Variants in CSNK1G1 observed in about 807,000 individuals in gnomAD.
CSNK1G1 encodes the protein casein kinase 1 gamma 1.
CSNK1G1 carries 22 observed loss-of-function variants against 59.6 expected under a neutral mutation model. That is an observed-to-expected ratio of 0.37 (90% CI 0.26 to 0.53). The LOEUF is 0.53. Ranked by LOEUF, CSNK1G1 falls within the 20% of genes least tolerant of loss-of-function variation. CSNK1G1 has a pLI of 0.89. For synonymous variants in CSNK1G1, 179 were observed against 177.1 expected, an observed-to-expected ratio of 1.01 and a Z score of -0.08; for missense variants, 384 against 519.5, an observed-to-expected ratio of 0.74 and a Z score of 2.54.
intron 1 of CSNK1G1, among the ~76,000 whole-genome samples, chr15:64,345,813 G>A (rs1021638259): frequency 2.0e-5 from 3 of 151,466 alleles, no homozygotes; most frequent in Non-Finnish European, 2.9e-5. Flanking sequence ...TTTTTTTTGA[G>A]ATGGAGTCTC....
intron 10 of CSNK1G1, chr15:64,181,590 A>C (rs1174563432): frequency 1.5e-6 from 1 of 650,846 alleles, no homozygotes; most frequent in Admixed American, 3.6e-5. Context: ...AGCATAAATA[A>C]GGGAAGCAGC....
intron 1 of CSNK1G1, among the ~76,000 whole-genome samples, chr15:64,336,609 T>C (rs1897400911): frequency 6.6e-6 from 1 of 151,972 alleles, no homozygotes; most frequent in South Asian, 2.1e-4. Context: ...AAAATAACAA[T>C]AATAATTAAT....
At chr15:64,205,953 C>T (rs765099120) in intron 7 of CSNK1G1, among the ~76,000 whole-genome samples, 40 of 152,122 alleles carry the variant, frequency 2.6e-4, no homozygotes, top group Non-Finnish European at 5.1e-4. Context: ...TGTAGGAGTA[C>T]CCCAAACTAC....
At position 64,179,315 on chromosome 15, in the gene CSNK1G1, T is replaced by C. The variant is rs547345259; in HGVS notation, c.1214+1033A>G. On this transcript the variant is annotated intron_variant, in intron 11 of 11. Coordinates refer to ENST00000303052, the MANE Select transcript of CSNK1G1 (RefSeq NM_022048.5). ...AGGCAGGAAAGACAACAATACAAAG[T>C]ACATCTGGAAGGTGGAAGAATGCAG... 3.9e-5 allele frequency among the ~76,000 whole-genome samples: 6 copies of C among 152,182 alleles called. No homozygotes were observed. The East Asian group carries it at 9.7e-4, about 25-fold the overall frequency.
rs200598532 is a variant in CSNK1G1, at chr15:64,207,513, A to G, written c.761T>C (p.Leu254Pro). The G allele has an allele frequency of 1.2e-6, 2 of 1,609,572 alleles. No individual in the cohort carries two copies. Among genetic ancestry groups the G allele is most frequent in the East Asian group, 2.2e-5 (1 of 44,846 alleles). ...ACTGAACACTTTCAAGGATACCTTGAGTCCTTGCCAGGGGAGGCTGCCTCG... is the reference window on the plus strand; with the variant it reads ...ACTGAACACTTTCAAGGATACCTTGGGTCCTTGCCAGGGGAGGCTGCCTCG... ...FLRGSLPWQG[L>P]KADTLKERYQ... Residue 254 changes from leucine to proline, a missense_variant, in exon 7 of 12, where the codon CTC becomes CCC. Leu to Pro is a moderately conservative substitution (Grantham distance 98, BLOSUM62 -3). Coordinates refer to ENST00000303052, the MANE Select transcript of CSNK1G1 (RefSeq NM_022048.5).
chr15:64,195,392 G>C (rs2082025917), intron 10 of CSNK1G1, among the ~76,000 whole-genome samples: 1 of 152,158 alleles, frequency 6.6e-6, no homozygotes, highest in Non-Finnish European at 1.5e-5. Context: ...AGAGAAAAAG[G>C]AGACGCTATC....
At chr15:64,233,224 T>C (rs1232579152) in intron 4 of CSNK1G1, among the ~76,000 whole-genome samples, 1 of 152,212 alleles carries the variant, frequency 6.6e-6, no homozygotes, top group Non-Finnish European at 1.5e-5. Context: ...CTGTGGGATG[T>C]ATGAAGGCCA....
intron 10 of CSNK1G1, among the ~76,000 whole-genome samples, chr15:64,199,487 T>G (rs748179790): frequency 2.6e-5 from 4 of 152,176 alleles, no homozygotes; most frequent in Non-Finnish European, 5.9e-5. Context: ...TTCCTCATAC[T>G]TTAAAAATCC....
Position 64,214,336 on chromosome 15 carries a change from G to A in CSNK1G1, c.445-212C>T, listed in dbSNP as rs2140264937. Reference sequence around the variant, plus strand: ...ACAAATATCAAGACTAGGAAAAAAAGTGGGATAGTACAGGTCTGCTAAAAT... The same window carrying A: ...ACAAATATCAAGACTAGGAAAAAAAATGGGATAGTACAGGTCTGCTAAAAT... On this transcript the variant is annotated intron_variant, in intron 5 of 11. Coordinates refer to ENST00000303052, the MANE Select transcript of CSNK1G1 (RefSeq NM_022048.5). This position sits in a 1 kb window ranked among gnomAD's most constrained non-coding sequence, Gnocchi z 4.3. Among the ~76,000 whole-genome samples, 1 of 152,346 alleles carries A rather than the reference G, an allele frequency of 6.6e-6. No individual in the cohort carries two copies. Among genetic ancestry groups the A allele is most frequent in the Non-Finnish European group, 1.5e-5 (1 of 68,042 alleles).
chr15:64,221,884 T>C lies in CSNK1G1; in HGVS notation c.293-5171A>G, dbSNP rs144740044. Among the ~76,000 whole-genome samples, 536 of 152,140 alleles carry C rather than the reference T, an allele frequency of 3.5e-3. 3 individuals carry two copies. The highest frequency in any genetic ancestry group is 0.012 in the African/African-American group (502 of 41,482). The stretch of plus-strand genomic sequence containing the variant: ...ACAGTATGGTGATTCCTTAAGGATA[T>C]AGAACCAGAAATACCACTTGACCCA... On this transcript the variant is annotated intron_variant, in intron 4 of 11. Transcript: ENST00000303052.
intron 9 of CSNK1G1, among the ~76,000 whole-genome samples, chr15:64,203,419 C>T (rs752370992): frequency 3.9e-5 from 6 of 152,028 alleles, no homozygotes; most frequent in Non-Finnish European, 5.9e-5. Context: ...AAACCAGGGC[C>T]GGGCGCGGTG....
At chr15:64,270,695 G>A (rs192128969) in intron 2 of CSNK1G1, among the ~76,000 whole-genome samples, 102 of 151,326 alleles carry the variant, frequency 6.7e-4, no homozygotes, top group Non-Finnish European at 9.6e-4. Context: ...AGGAGGCGGA[G>A]CTTGCAGTGA....
chr15:64,302,229 A>G (rs1170190207), intron 1 of CSNK1G1, among the ~76,000 whole-genome samples: 1 of 152,010 alleles, frequency 6.6e-6, no homozygotes, highest in Non-Finnish European at 1.5e-5. Flanking sequence ...CCTCCCAAGT[A>G]GCTGGAATTA....
chr15:64,314,395 C>A (rs140863096), intron 1 of CSNK1G1, among the ~76,000 whole-genome samples: 1 of 151,696 alleles, frequency 6.6e-6, no homozygotes, highest in African/African-American at 2.4e-5. Flanking sequence ...GTAAGGGGTA[C>A]AAAGTAATGT....
chr15:64,278,870 TA>T (rs1893960040), intron 2 of CSNK1G1, among the ~76,000 whole-genome samples: 1 of 152,232 alleles, frequency 6.6e-6, no homozygotes, highest in South Asian at 2.1e-4. Flanking sequence ...AGCATTTATG[TA>T]AAAAGGAGCA....
At position 64,319,917 on chromosome 15, in the gene CSNK1G1, C is replaced by CTTTT. The variant is rs148166902; in HGVS notation, c.-224-19198_-224-19195dup. ...AAATGACTGCCTAAGTAGATCAGGG[C>CTTTT]TTTTTTTTTTTTTTTTTTTTTTTTG... On this transcript the variant is annotated intron_variant, in intron 1 of 11. Coordinates refer to ENST00000303052, the MANE Select transcript of CSNK1G1 (RefSeq NM_022048.5). Among the ~76,000 whole-genome samples, 51 of 65,934 alleles carry CTTTT rather than the reference C, an allele frequency of 7.7e-4. 1 individual carries two copies. Among genetic ancestry groups the CTTTT allele is most frequent in the African/African-American group, 1.9e-3 (34 of 17,582 alleles). 43.3% of individuals were successfully genotyped at this position (65,934 alleles called of 152,430 possible).
chr15:64,315,543 T>G (rs1241970686), intron 1 of CSNK1G1, among the ~76,000 whole-genome samples: 1 of 152,208 alleles, frequency 6.6e-6, no homozygotes, highest in Non-Finnish European at 1.5e-5. Flanking sequence ...CTTGCCTTAG[T>G]AAAGGCAATT....
chr15:64,211,883 T>C (rs2082254084), intron 6 of CSNK1G1, among the ~76,000 whole-genome samples: 1 of 152,224 alleles, frequency 6.6e-6, no homozygotes, highest in African/African-American at 2.4e-5. Context: ...ATAAAATTAG[T>C]ACACAAATGG....
chr15:64,263,229 C>T (rs1353308858), intron 2 of CSNK1G1, among the ~76,000 whole-genome samples: 3 of 151,538 alleles, frequency 2.0e-5, no homozygotes, highest in Non-Finnish European at 4.4e-5. Flanking sequence ...CGCTCTGTTG[C>T]CCATGCTGGA....
Sources: allele counts gnomAD v4.1 joint callset (sites outside exome capture counted in the v4.1 genomes callset), GRCh38; gene constraint gnomAD v4.1.1; non-coding constraint Gnocchi (gnomAD v3.1); transcripts MANE v1.5; gene names NCBI Gene and HGNC (gene_info 2026-07-23, HGNC 2026-07-21).